Variants in SEPTIN1 observed in about 807,000 individuals in gnomAD.
The protein encoded by SEPTIN1 is septin-1.
In SEPTIN1, 52 loss-of-function variants were observed where a neutral mutation model predicts 50.7. That is an observed-to-expected ratio of 1.03 (90% CI 0.82 to 1.29). The LOEUF (loss-of-function observed/expected upper bound fraction) is 1.29, where lower values mean the gene tolerates loss of function less well. Ranked by LOEUF, SEPTIN1 falls within the 50% of genes most tolerant of loss-of-function variation. SEPTIN1 has a pLI of 0.00. For synonymous variants in SEPTIN1, 204 were observed against 189.1 expected, an observed-to-expected ratio of 1.08 and a Z score of -0.65; for missense variants, 455 against 490.7, an observed-to-expected ratio of 0.93 and a Z score of 0.69.
Position 30,381,574 on chromosome 16 carries a change from C to T in SEPTIN1, c.321-101G>A. ...GAGTAGAATGTCATTTCTTTGGCTC[C>T]CTCCAAAGACATTAAGGGGAACTGG... On this transcript the variant is annotated intron_variant, in intron 4 of 10. Transcript: ENST00000321367. The surrounding 1 kb of genome is among the most constrained non-coding windows in gnomAD (Gnocchi z 4.3). 6.6e-7 allele frequency: 1 copy of T among 1,507,692 alleles called. No homozygotes were observed. The highest frequency in any genetic ancestry group is 9.1e-7 in the Non-Finnish European group (1 of 1,096,856). The allele number at this position is 1,507,692 out of a possible 1,614,324, so 93.4% of individuals were successfully genotyped here.
rs1890522591 is a variant in SEPTIN1 at position 30,381,126 on chromosome 16, CCTT to C, written c.571_573del (p.Lys191del). ...CAAAGGTCAGAGGTCATCACTCACA[CCTT>C]CTGCTTGAGGGCCTGGGTTTCCTGG... On this transcript the variant is annotated inframe_deletion and splice_region_variant, in exon 6 of 11. Coordinates refer to ENST00000321367, the MANE Select transcript of SEPTIN1 (RefSeq NM_001365977.2). This position sits in a 1 kb window ranked among gnomAD's most constrained non-coding sequence, Gnocchi z 4.3. 1 of 1,611,290 alleles carries C rather than the reference CCTT, an allele frequency of 6.2e-7. No individual in the cohort carries two copies.
At position 30,382,034 on chromosome 16, in the gene SEPTIN1, G is replaced by C; in HGVS notation, c.196+59C>G. ...ACTACCTGAGTCCCCAGATGGAAAA[G>C]ACTAGGGTGTAACCTGGGGACAGGG... is the stretch of plus-strand genomic sequence containing the variant. On this transcript the variant is annotated intron_variant, in intron 3 of 10. Transcript: ENST00000321367. This position sits in a 1 kb window ranked among gnomAD's most constrained non-coding sequence, Gnocchi z 4.8. The C allele has an allele frequency of 6.3e-7, 1 of 1,593,158 alleles. No homozygotes were observed. Among genetic ancestry groups the C allele is most frequent in the Non-Finnish European group, 8.6e-7 (1 of 1,166,526 alleles).
chr16:30,379,847 T>G, intron 7 of SEPTIN1, 85 bp downstream of exon 7: 1 of 755,830 alleles, frequency 1.3e-6, no homozygotes, highest in South Asian at 1.6e-5. Flanking sequence ...CCTCAGGGGA[T>G]CCTCCCGTCT....
rs1597000705 is a variant in SEPTIN1, at chr16:30,378,338, G to A, written c.*96C>T. ...TAGCCCGCGCGAGGGCGGCACCCGC[G>A]GAGGTCCCGGGGGGCGCTGGGCAGT... is the stretch of plus-strand genomic sequence containing the variant. On this transcript the variant is annotated 3_prime_UTR_variant, in exon 11 of 11. Transcript: ENST00000321367. The A allele has an allele frequency of 2.8e-5, 34 of 1,213,706 alleles. No individual in the cohort carries two copies. The East Asian group carries it at 7.3e-4, about 26-fold the overall frequency. 75.2% of individuals were successfully genotyped at this position (1,213,706 alleles called of 1,614,324 possible).
rs1382201455 is a variant in SEPTIN1 at position 30,378,168 on chromosome 16, G to C, written c.*266C>G. On this transcript the variant is annotated 3_prime_UTR_variant, in exon 11 of 11. Coordinates refer to ENST00000321367, the MANE Select transcript of SEPTIN1 (RefSeq NM_001365977.2). ...GGAAGCTCAGTTTTTATTGAAGACA[G>C]AGTCTGGGAGAAGAAGGGGGACTCC... 1 of 707,312 alleles carries C rather than the reference G, an allele frequency of 1.4e-6. No homozygotes were observed. Among genetic ancestry groups the C allele is most frequent in the African/African-American group, 1.8e-5 (1 of 56,992 alleles). 43.8% of individuals were successfully genotyped at this position (707,312 alleles called of 1,614,324 possible).
At chr16:30,379,365 G>A in intron 8 of SEPTIN1, 70 bp downstream of exon 8, 1 of 1,472,640 alleles carries the variant, frequency 6.8e-7, no homozygotes, top group Non-Finnish European at 9.5e-7. Context: ...AACTTCACAT[G>A]TTGAGTGCGC....
chr16:30,378,508 G>T lies in SEPTIN1; in HGVS notation c.1045C>A (p.Gln349Lys). ...GCCTGCATCTTCTCCAGCATCTCTT[G>T]CATGCGGCGCAGCTGTGCAGGGCGA... ...REKDEELRRM[Q>K]EMLEKMQAQM... is the part of the protein sequence containing the mutation. The change falls in exon 11 of 11, where the codon CAA (glutamine) becomes AAA (lysine). Residue 349 changes from glutamine to lysine, a missense_variant. Coordinates refer to ENST00000321367, the MANE Select transcript of SEPTIN1 (RefSeq NM_001365977.2). The T allele has an allele frequency of 6.3e-7, 1 of 1,581,248 alleles. No individual in the cohort carries two copies. Among genetic ancestry groups the T allele is most frequent in the Non-Finnish European group, 8.6e-7 (1 of 1,163,506 alleles).
In SEPTIN1 at chr16:30,381,126, C is replaced by T. The variant is rs761627626; in HGVS notation, c.573+1G>A. On this transcript the variant is annotated splice_donor_variant, in intron 6 of 10. Coordinates refer to ENST00000321367, the MANE Select transcript of SEPTIN1 (RefSeq NM_001365977.2). LOFTEE classifies it high-confidence loss of function. The surrounding 1 kb of genome is among the most constrained non-coding windows in gnomAD (Gnocchi z 4.3). ...CAAAGGTCAGAGGTCATCACTCACA[C>T]CTTCTGCTTGAGGGCCTGGGTTTCC... 2.5e-6 allele frequency: 4 copies of T among 1,611,172 alleles called. No individual in the cohort carries two copies. The highest frequency in any genetic ancestry group is 3.4e-6 in the Non-Finnish European group (4 of 1,177,390).
At position 30,381,146 on chromosome 16, in the gene SEPTIN1, G is replaced by T; in HGVS notation, c.554C>A (p.Thr185Asn). The T allele has an allele frequency of 1.2e-6, 2 of 1,613,972 alleles. 1 individual carries two copies. Among genetic ancestry groups the T allele is most frequent in the South Asian group, 2.2e-5 (2 of 91,080 alleles). Residue 185 changes from threonine to asparagine, a missense_variant, in exon 6 of 11, where the codon ACC becomes AAC. Coordinates refer to ENST00000321367, the MANE Select transcript of SEPTIN1 (RefSeq NM_001365977.2). This position sits in a 1 kb window ranked among gnomAD's most constrained non-coding sequence, Gnocchi z 4.3. Reference protein sequence around the residue: ...GKADALMPQETQALKQKIRDQ... With the variant: ...GKADALMPQENQALKQKIRDQ... ...TCACACCTTCTGCTTGAGGGCCTGG[G>T]TTTCCTGGGGCATCAGAGCATCCGC...
At chr16:30,379,413 AC>A (rs2049807319) in intron 8 of SEPTIN1, 21 bp downstream of exon 8, 5 of 1,603,360 alleles carry the variant, frequency 3.1e-6, no homozygotes, top group Non-Finnish European at 4.3e-6. Context: ...TGGCCTTAGG[AC>A]CCCTGCCTGG....
In SEPTIN1 at chr16:30,378,598, G is replaced by A. The variant is rs769007736; in HGVS notation, c.1032+12C>T. ...GGGGCATCGGTCGGGGGGAAGCGAG[G>A]TGCGTGCTCACCTCTTCGTCTTTCT... On this transcript the variant is annotated intron_variant, in intron 10 of 10. Coordinates refer to ENST00000321367, the MANE Select transcript of SEPTIN1 (RefSeq NM_001365977.2). 1.2e-6 allele frequency: 2 copies of A among 1,611,326 alleles called. No individual in the cohort carries two copies. The highest frequency in any genetic ancestry group is 8.5e-7 in the Non-Finnish European group (1 of 1,179,662).
Position 30,382,295 on chromosome 16 carries a change from T to C in SEPTIN1, c.89A>G (p.Asp30Gly). ...CAGACCTGCCACCATTAGCGTGAAG[T>C]CAAACCCCTTCTTGACAGACTTGCG... ...LHRKSVKKGF[D>G]FTLMVAGESG... The change falls in exon 2 of 11, where the codon GAC (aspartate) becomes GGC (glycine). Residue 30 changes from aspartate (D) to glycine (G), a missense_variant. Asp to Gly is a moderately conservative substitution (Grantham distance 94). Transcript: ENST00000321367. The surrounding 1 kb of genome is among the most constrained non-coding windows in gnomAD (Gnocchi z 4.8). 1 of 1,613,772 alleles carries C rather than the reference T, an allele frequency of 6.2e-7. No homozygotes were observed. Among genetic ancestry groups the C allele is most frequent in the Non-Finnish European group, 8.5e-7 (1 of 1,179,794 alleles).
intron 8 of SEPTIN1, 69 bp downstream of exon 8, chr16:30,379,366 T>C (rs1841474798): frequency 3.4e-6 from 5 of 1,477,442 alleles, no homozygotes; most frequent in Non-Finnish European, 4.7e-6. Context: ...ACTTCACATG[T>C]TGAGTGCGCC....
chr16:30,381,657 C>T lies in SEPTIN1; in HGVS notation c.320+103G>A, dbSNP rs2049850729. On this transcript the variant is annotated intron_variant, in intron 4 of 10. Coordinates refer to ENST00000321367, the MANE Select transcript of SEPTIN1 (RefSeq NM_001365977.2). This position sits in a 1 kb window ranked among gnomAD's most constrained non-coding sequence, Gnocchi z 4.3. The stretch of plus-strand genomic sequence containing the variant: ...GGACCCAGTGGCCCTCTGAAACAGA[C>T]ACCACCTTTTGAGATAGGGAGCCAG... 2 of 1,544,554 alleles carry T rather than the reference C, an allele frequency of 1.3e-6. No homozygotes were observed. Among genetic ancestry groups the T allele is most frequent in the South Asian group, 1.2e-5 (1 of 81,578 alleles).
chr16:30,382,570 C>A, upstream of SEPTIN1: 2 of 1,580,884 alleles, frequency 1.3e-6, no homozygotes, highest in East Asian at 2.3e-5. This position sits in a 1 kb window ranked among gnomAD's most constrained non-coding sequence, Gnocchi z 4.8. Flanking sequence ...CTCCCCACTT[C>A]CTCTGGTGGG....
intron 9 of SEPTIN1, 137 bp downstream of exon 9, chr16:30,378,881 A>AGAGAGGGG: frequency 4.2e-6 from 1 of 239,562 alleles, no homozygotes; most frequent in Non-Finnish European, 6.5e-6. Context: ...GGAGAGAGGG[A>AGAGAGGGG]GGGAGGGAGG....
At chr16:30,378,858 G>GAGAGGGAGAGGGGGAC (rs1405782232) in intron 9 of SEPTIN1, among the ~76,000 whole-genome samples, 158 bp from the exon 10 acceptor site, 2 of 140,452 alleles carry the variant, frequency 1.4e-5, no homozygotes, top group Non-Finnish European at 3.1e-5. Context: ...GAGAGGGGGA[G>GAGAGGGAGAGGGGGAC]AGAGGGAGAG....
Position 30,378,660 on chromosome 16 carries a change from T to C in SEPTIN1, c.982A>G (p.Met328Val), listed in dbSNP as rs1166126147. 1.9e-6 allele frequency: 3 copies of C among 1,607,568 alleles called. No individual in the cohort carries two copies. The highest frequency in any genetic ancestry group is 1.4e-5 in the African/African-American group (1 of 73,810). The change falls in exon 10 of 11, where the codon ATG (methionine) becomes GTG (valine). Residue 328 changes from methionine to valine, a missense_variant. Met to Val is a conservative substitution (Grantham distance 21, BLOSUM62 1). Coordinates refer to ENST00000321367, the MANE Select transcript of SEPTIN1 (RefSeq NM_001365977.2). ...RQSATEIPLP[M>V]LPLADTEKLI... ...TTCTCGGTGTCCGCCAGAGGCAGCATGGGCAGCGGGATCTCTGTGGCGCTC... is the reference window on the plus strand; with the variant it reads ...TTCTCGGTGTCCGCCAGAGGCAGCACGGGCAGCGGGATCTCTGTGGCGCTC...
chr16:30,380,025 A>T lies in SEPTIN1; in HGVS notation c.582T>A (p.Asp194Glu). ...ETQALKQKIR[D>E]QLKEEEIHIY... ...TGTGGATCTCCTCTTCCTTCAACTG[A>T]TCCCGGATCTCAGGGGAAACAGATA... The change falls in exon 7 of 11, where the codon GAT (aspartate) becomes GAA (glutamate). Residue 194 changes from aspartate (D) to glutamate (E), a missense_variant. Physicochemically the swap from Asp to Glu is conservative, Grantham distance 45. Transcript: ENST00000321367. 1 of 1,610,460 alleles carries T rather than the reference A, an allele frequency of 6.2e-7. No homozygotes were observed.
Sources: gnomAD v4.1 joint callset for allele counts (sites outside exome capture counted in the v4.1 genomes callset) on GRCh38, gnomAD v4.1.1 for gene constraint, Gnocchi (gnomAD v3.1) non-coding constraint, MANE v1.5 for transcripts, NCBI Gene and HGNC (gene_info 2026-07-23, HGNC 2026-07-21) for gene names.